ME1: variants seen among roughly 807,000 people sequenced by gnomAD.
ME1 encodes the protein malic enzyme 1.
Under a neutral mutation model 66.4 loss-of-function variants are expected in ME1, and 74 were observed. The ratio of observed to expected loss-of-function variants is 1.11; its 90% CI spans 0.92 to 1.35. The LOEUF is 1.35. Among genes scored for constraint, ME1 ranks in the 40% most tolerant of loss-of-function variants. The pLI, the probability that ME1 is intolerant of heterozygous loss-of-function variation, is 0.00. For missense variants in ME1, 750 were observed against 694.1 expected, an observed-to-expected ratio of 1.08 and a Z score of -0.90; for synonymous variants, 251 against 235.6, an observed-to-expected ratio of 1.07 and a Z score of -0.60.
chr6:83,428,549 T>C (rs1242524212), intron 1 of ME1, among the ~76,000 whole-genome samples: 1 of 152,162 alleles, frequency 6.6e-6, no homozygotes, highest in Non-Finnish European at 1.5e-5. Flanking sequence ...TCTTGTCTCT[T>C]TGGAGCCAAG....
At chr6:83,247,905 A>G (rs1790653756) in intron 7 of ME1, among the ~76,000 whole-genome samples, 1 of 152,226 alleles carries the variant, frequency 6.6e-6, no homozygotes, top group Admixed American at 6.5e-5. Context: ...TATGGAAATA[A>G]AAGACTATAT....
intron 2 of ME1, among the ~76,000 whole-genome samples, chr6:83,402,407 G>C (rs903702751): frequency 6.6e-6 from 1 of 152,098 alleles, no homozygotes; most frequent in African/African-American, 2.4e-5. Context: ...ATGCTCTGCT[G>C]GTCTAGAGGT....
At chr6:83,298,948 T>G (rs1398888112) in intron 6 of ME1, among the ~76,000 whole-genome samples, 39 of 121,892 alleles carry the variant, frequency 3.2e-4, no homozygotes, top group Non-Finnish European at 4.8e-4. Context: ...TTTTTTTTTT[T>G]TTTTTTTTTT....
rs1789865898 is a variant in ME1 at position 83,211,295 on chromosome 6, T to TC, written c.*628_*629insG. Reference sequence around the variant, plus strand: ...GACTCAGGATCAAGGTAATAAGAGCTTTACTCTATGAGATGTAACAATGAC... The same window carrying TC: ...GACTCAGGATCAAGGTAATAAGAGCTCTTACTCTATGAGATGTAACAATGAC... On this transcript the variant is annotated 3_prime_UTR_variant, in exon 14 of 14. Coordinates refer to ENST00000369705, the MANE Select transcript of ME1 (RefSeq NM_002395.6). 3 of 152,736 alleles carry TC rather than the reference T, an allele frequency of 2.0e-5. No individual in the cohort carries two copies. Among genetic ancestry groups the TC allele is most frequent in the African/African-American group, 7.2e-5 (3 of 41,574 alleles). 9.5% of individuals were successfully genotyped at this position (152,736 alleles called of 1,614,324 possible).
intron 6 of ME1, among the ~76,000 whole-genome samples, chr6:83,264,766 G>T (rs1172399601): frequency 6.6e-6 from 1 of 152,192 alleles, no homozygotes; most frequent in Non-Finnish European, 1.5e-5. Flanking sequence ...AATGGCTGAG[G>T]AATTGCTTTT....
At chr6:83,246,519 A>C (rs887008937) in intron 7 of ME1, among the ~76,000 whole-genome samples, 2 of 152,112 alleles carry the variant, frequency 1.3e-5, no homozygotes, top group Admixed American at 6.5e-5. Flanking sequence ...TCTCTTAAAA[A>C]TATCTTGTGA....
chr6:83,299,068 C>T (rs1379572500), intron 6 of ME1, among the ~76,000 whole-genome samples: 3 of 146,238 alleles, frequency 2.1e-5, no homozygotes, highest in Non-Finnish European at 3.0e-5. Context: ...TTAGTATTTT[C>T]TTGGCTATTC....
chr6:83,250,690 T>C (rs566317910), intron 7 of ME1, among the ~76,000 whole-genome samples: 1 of 152,360 alleles, frequency 6.6e-6, no homozygotes, highest in East Asian at 1.9e-4. Flanking sequence ...CCTTCAAATG[T>C]GCTCCAATTC....
chr6:83,290,333 G>C (rs1767478725), intron 6 of ME1, among the ~76,000 whole-genome samples: 1 of 152,068 alleles, frequency 6.6e-6, no homozygotes, highest in Non-Finnish European at 1.5e-5. Flanking sequence ...TTGTGTCTTT[G>C]TTCTAGTTGG....
At chr6:83,255,406 A>G (rs1187438714) in intron 6 of ME1, among the ~76,000 whole-genome samples, 1 of 151,876 alleles carries the variant, frequency 6.6e-6, no homozygotes, top group Admixed American at 6.6e-5. Context: ...CACCAAATAA[A>G]TTTTAAATTT....
At chr6:83,320,080 G>A (rs1231523008) in intron 5 of ME1, among the ~76,000 whole-genome samples, 1 of 152,148 alleles carries the variant, frequency 6.6e-6, no homozygotes, top group Non-Finnish European at 1.5e-5. Flanking sequence ...TTTTATATGT[G>A]GAATGTGACC....
intron 6 of ME1, among the ~76,000 whole-genome samples, chr6:83,310,034 A>G (rs1399445202): frequency 1.3e-5 from 2 of 152,214 alleles, no homozygotes; most frequent in African/African-American, 4.8e-5. Flanking sequence ...GTACTAGGAA[A>G]TGGATTTGTG....
chr6:83,286,431 C>T (rs951638299), intron 6 of ME1, among the ~76,000 whole-genome samples: 4 of 152,014 alleles, frequency 2.6e-5, no homozygotes, highest in African/African-American at 7.2e-5. Flanking sequence ...CTATTTTTCT[C>T]CCTTGATGTC....
intron 6 of ME1, among the ~76,000 whole-genome samples, chr6:83,278,073 G>C (rs1204942000): frequency 1.3e-5 from 2 of 151,944 alleles, no homozygotes; most frequent in African/African-American, 4.8e-5. Context: ...CATCTCACAA[G>C]AAAAATGCTG....
intron 1 of ME1, among the ~76,000 whole-genome samples, chr6:83,421,071 G>T (rs1019265810): frequency 1.3e-5 from 2 of 152,232 alleles, no homozygotes; most frequent in Admixed American, 1.3e-4. Context: ...AATTCTGAAC[G>T]TCGAACTTGC....
In ME1 at chr6:83,327,528, C is replaced by T. The variant is rs181567429; in HGVS notation, c.601-12115G>A. ...TGAAATAGACTCCAGTCTCCCATAG[C>T]GCTCTCAGGCTTATTAGGAAGAGGA... On this transcript the variant is annotated intron_variant, in intron 5 of 13. Coordinates refer to ENST00000369705, the MANE Select transcript of ME1 (RefSeq NM_002395.6). 2.1e-4 allele frequency among the ~76,000 whole-genome samples: 32 copies of T among 152,238 alleles called. 1 individual carries two copies. The highest frequency in any genetic ancestry group is 7.0e-4 in the African/African-American group (29 of 41,544).
intron 2 of ME1, among the ~76,000 whole-genome samples, chr6:83,399,713 G>A (rs551079636): frequency 3.3e-5 from 5 of 152,210 alleles, no homozygotes; most frequent in African/African-American, 4.8e-5. Context: ...AGAATAAAAC[G>A]TAAACTGCTC....
intron 13 of ME1, 66 bp downstream of exon 13, chr6:83,216,432 T>C: frequency 8.9e-7 from 1 of 1,127,286 alleles, no homozygotes; most frequent in East Asian, 2.3e-5. Flanking sequence ...TTTTTAATAT[T>C]TAAAAATGCA....
intron 1 of ME1, among the ~76,000 whole-genome samples, chr6:83,427,565 AACTATC>A: frequency 6.6e-6 from 1 of 152,334 alleles, no homozygotes; most frequent in East Asian, 1.9e-4. Context: ...ACAATGCCTA[AACTATC>A]ACTTTAAAAG....
Sources: allele counts gnomAD v4.1 joint callset (sites outside exome capture counted in the v4.1 genomes callset), GRCh38; gene constraint gnomAD v4.1.1; transcripts MANE v1.5; gene names NCBI Gene and HGNC (gene_info 2026-07-23, HGNC 2026-07-21).